The following ORC5 variants were observed in gnomAD, a reference collection of about 807,000 sequenced individuals.
ORC5 encodes origin recognition complex subunit 5.
A neutral mutation model predicts 58.8 loss-of-function variants in ORC5; 39 were observed. That is an observed-to-expected ratio of 0.66 (90% CI 0.51 to 0.87). The LOEUF (loss-of-function observed/expected upper bound fraction) is 0.87, where lower values mean the gene tolerates loss of function less well. Ranked by LOEUF, ORC5 falls within the 40% of genes least tolerant of loss-of-function variation. The pLI, the probability that ORC5 is intolerant of heterozygous loss-of-function variation, is 0.00. For synonymous variants in ORC5, 218 were observed against 177.6 expected (o/e 1.23, Z -1.81); for missense variants, 493 against 506.3 (o/e 0.97, Z 0.25).
chr7:104,127,599 A>G (rs1402205312), intron 13 of ORC5, among the ~76,000 whole-genome samples: 2 of 152,244 alleles, frequency 1.3e-5, no homozygotes, highest in Non-Finnish European at 2.9e-5. Context: ...ATGATCTAGC[A>G]ATAAGTATAA....
Position 104,138,414 on chromosome 7 carries a change from C to CTT in ORC5, c.1150-1523_1150-1522dup, listed in dbSNP as rs143808302. 0.053 allele frequency among the ~76,000 whole-genome samples: 8,085 copies of CTT among 152,198 alleles called. 703 individuals are homozygous for CTT. The highest frequency in any genetic ancestry group is 0.18 in the African/African-American group (7,624 of 41,514). On this transcript the variant is annotated intron_variant, in intron 12 of 13. Coordinates refer to ENST00000297431, the MANE Select transcript of ORC5 (RefSeq NM_002553.4). This position sits in a 1 kb window ranked among gnomAD's most constrained non-coding sequence, Gnocchi z 4.7. Reference sequence around the variant, plus strand: ...ATAAAACAATAATATGGATTTAGGTCTTTTTAAGAGTTAGGTAGCTGGTTA... The same window carrying CTT: ...ATAAAACAATAATATGGATTTAGGTCTTTTTTTAAGAGTTAGGTAGCTGGTTA...
At chr7:104,149,012 C>T (rs531619023) in intron 12 of ORC5, among the ~76,000 whole-genome samples, 84 of 142,210 alleles carry the variant, frequency 5.9e-4, no homozygotes, top group African/African-American at 2.1e-3. Context: ...CCCACCTGGG[C>T]GACAGAGTAA....
intron 12 of ORC5, among the ~76,000 whole-genome samples, chr7:104,154,309 G>A (rs984873496): frequency 1.3e-5 from 2 of 151,888 alleles, no homozygotes; most frequent in Admixed American, 1.3e-4. Context: ...ATGTCAGAAG[G>A]AAATATTCAA....
intron 5 of ORC5, among the ~76,000 whole-genome samples, chr7:104,192,941 C>G (rs1035168): frequency 4.0e-5 from 6 of 151,260 alleles, no homozygotes; most frequent in African/African-American, 1.5e-4. Flanking sequence ...CACACACACA[C>G]AGATTTAAAA....
At chr7:104,155,021 T>C (rs969350635) in intron 12 of ORC5, among the ~76,000 whole-genome samples, 3 of 151,870 alleles carry the variant, frequency 2.0e-5, no homozygotes, top group Non-Finnish European at 4.4e-5. Context: ...TGACTGATGA[T>C]AAATTCATTT....
Position 104,166,986 on chromosome 7 carries a change from C to G in ORC5, c.878-102G>C, listed in dbSNP as rs1799118136. ...TCATTTCCATATGGTATTCTCTAGT[C>G]AAAATGACCTATTTCCTTATTTTAA... On this transcript the variant is annotated intron_variant, in intron 9 of 13. Coordinates refer to ENST00000297431, the MANE Select transcript of ORC5 (RefSeq NM_002553.4). 7.7e-6 allele frequency: 5 copies of G among 648,112 alleles called. No individual in the cohort carries two copies. In the South Asian group the frequency reaches 1.0e-4, roughly 13 times the overall value. 40.1% of individuals were successfully genotyped at this position (648,112 alleles called of 1,614,324 possible).
At chr7:104,199,545 G>A (rs1285968293) in intron 3 of ORC5, among the ~76,000 whole-genome samples, 1 of 152,206 alleles carries the variant, frequency 6.6e-6, no homozygotes, top group Non-Finnish European at 1.5e-5. Context: ...ACTTTCTTGG[G>A]GCCTACAGCC....
intron 8 of ORC5, among the ~76,000 whole-genome samples, chr7:104,172,491 A>C (rs1330773118): frequency 6.6e-6 from 1 of 151,640 alleles, no homozygotes; most frequent in African/African-American, 2.4e-5. Context: ...TTAAACTGAA[A>C]TCAAACAAAA....
intron 5 of ORC5, among the ~76,000 whole-genome samples, chr7:104,188,780 G>A (rs765503805): frequency 2.6e-5 from 4 of 152,058 alleles, no homozygotes; most frequent in East Asian, 3.9e-4. Context: ...GAGGGGCCTC[G>A]TGGGAGGTGA....
intron 8 of ORC5, among the ~76,000 whole-genome samples, chr7:104,176,826 G>A (rs1028580798): frequency 1.3e-5 from 2 of 152,156 alleles, no homozygotes; most frequent in East Asian, 3.8e-4. Flanking sequence ...AACTTTTGCC[G>A]GGATTTATGG....
intron 10 of ORC5, 158 bp from the exon 11 acceptor site, chr7:104,165,440 C>A (rs1799091680): frequency 2.1e-6 from 1 of 481,132 alleles, no homozygotes; most frequent in Non-Finnish European, 3.7e-6. Flanking sequence ...TATTAGACTT[C>A]AACATATTTT....
At chr7:104,159,575 T>A (rs1798989736) in intron 12 of ORC5, among the ~76,000 whole-genome samples, 1 of 130,970 alleles carries the variant, frequency 7.6e-6, no homozygotes, top group Admixed American at 7.6e-5. Context: ...GAATAAGTTA[T>A]AAGCTCATTG....
At chr7:104,176,032 C>CAT (rs1200867593) in intron 8 of ORC5, among the ~76,000 whole-genome samples, 3 of 152,202 alleles carry the variant, frequency 2.0e-5, no homozygotes, top group Admixed American at 2.0e-4. Flanking sequence ...GGTACACAGT[C>CAT]TTCATAAGAT....
chr7:104,206,071 T>C (rs1366689827), intron 1 of ORC5, among the ~76,000 whole-genome samples: 1 of 152,224 alleles, frequency 6.6e-6, no homozygotes, highest in African/African-American at 2.4e-5. Flanking sequence ...ATCTCTGCTA[T>C]CCATTACATG....
chr7:104,130,115 A>G lies in ORC5; in HGVS notation c.1263-3222T>C, dbSNP rs560003920. On this transcript the variant is annotated intron_variant, in intron 13 of 13. Transcript: ENST00000297431. ...CATACAACTTTAAGTTGTAACCTCTATTTATCTTATAGTGTCTTCCCACTG... is the reference window on the plus strand; with the variant it reads ...CATACAACTTTAAGTTGTAACCTCTGTTTATCTTATAGTGTCTTCCCACTG... Among the ~76,000 whole-genome samples, 6 of 149,676 alleles carry G rather than the reference A, an allele frequency of 4.0e-5. No homozygotes were observed. In the South Asian group the frequency reaches 1.3e-3, roughly 31 times the overall value.
intron 3 of ORC5, 40 bp from the exon 4 acceptor site, chr7:104,197,839 T>G: frequency 3.3e-5 from 40 of 1,214,398 alleles, no homozygotes; most frequent in East Asian, 4.9e-5. Flanking sequence ...GAAATGCATT[T>G]ACAAAGCCTT....
chr7:104,162,570 T>C (rs1236096959), intron 11 of ORC5, among the ~76,000 whole-genome samples: 1 of 152,252 alleles, frequency 6.6e-6, no homozygotes, highest in Non-Finnish European at 1.5e-5. Context: ...GAAGAATACC[T>C]ACTCAGAATT....
At chr7:104,130,109 A>G (rs1166096178) in intron 13 of ORC5, among the ~76,000 whole-genome samples, 6 of 151,912 alleles carry the variant, frequency 3.9e-5, no homozygotes, top group Non-Finnish European at 8.8e-5. Flanking sequence ...TTAAGTTGTA[A>G]CCTCTATTTA....
intron 8 of ORC5, among the ~76,000 whole-genome samples, chr7:104,181,630 G>GAA (rs980345635): frequency 6.8e-6 from 1 of 147,962 alleles, no homozygotes; most frequent in Admixed American, 6.8e-5. Flanking sequence ...CTAAAAATAC[G>GAA]AAAAAAAAAA....
Sources: allele counts gnomAD v4.1 joint callset (sites outside exome capture counted in the v4.1 genomes callset), GRCh38; gene constraint gnomAD v4.1.1; non-coding constraint Gnocchi (gnomAD v3.1); transcripts MANE v1.5; gene names NCBI Gene and HGNC (gene_info 2026-07-23, HGNC 2026-07-21).